The following ZNF560 variants were observed in gnomAD, a reference collection of about 807,000 sequenced individuals.
ZNF560 encodes the protein zinc finger protein 560.
In ZNF560, 54 loss-of-function variants were observed where a neutral mutation model predicts 81.8. The observed-to-expected ratio is 0.66, with a 90% CI of 0.53 to 0.83. The LOEUF (loss-of-function observed/expected upper bound fraction) is 0.83. Ranked by LOEUF, ZNF560 falls within the 40% of genes least tolerant of loss-of-function variation. The pLI is 0.00. For missense variants in ZNF560, 940 were observed against 932.4 expected (o/e 1.01, Z -0.11); for synonymous variants, 321 against 317.9 (o/e 1.01, Z -0.10).
At chr19:9,470,795 C>G (rs1453930573) in intron 6 of ZNF560, among the ~76,000 whole-genome samples, 1 of 152,204 alleles carries the variant, frequency 6.6e-6, no homozygotes, top group Non-Finnish European at 1.5e-5. Flanking sequence ...CTGCAAAACA[C>G]TCCTGAGCAC....
the ZNF560 span, among the ~76,000 whole-genome samples, chr19:9,450,588 C>T: frequency 6.6e-6 from 1 of 152,214 alleles, no homozygotes; most frequent in Non-Finnish European, 1.5e-5. Flanking sequence ...TACAGTCTCG[C>T]TGTTGCCCAG....
chr19:9,460,792 C>G, the ZNF560 span, among the ~76,000 whole-genome samples: 1 of 152,106 alleles, frequency 6.6e-6, no homozygotes, highest in East Asian at 1.9e-4. Context: ...TGGACCCGGT[C>G]AGAAAAAATG....
chr19:9,490,283 T>C (rs1226452241), intron 2 of ZNF560, among the ~76,000 whole-genome samples: 3 of 152,224 alleles, frequency 2.0e-5, no homozygotes, highest in Non-Finnish European at 2.9e-5. Context: ...CTACAGGAGA[T>C]AACAATCATT....
chr19:9,490,946 G>C (rs538836444), intron 2 of ZNF560, among the ~76,000 whole-genome samples: 1 of 152,280 alleles, frequency 6.6e-6, no homozygotes, highest in Non-Finnish European at 1.5e-5. Flanking sequence ...CACCGAAATA[G>C]TCTTCAGAGG....
chr19:9,470,887 C>T (rs2073110773), intron 6 of ZNF560, among the ~76,000 whole-genome samples: 1 of 152,192 alleles, frequency 6.6e-6, no homozygotes, highest in Non-Finnish European at 1.5e-5. Flanking sequence ...TCTGTCCTAG[C>T]ACCCAGAAAA....
At chr19:9,455,010 G>A in the ZNF560 span, among the ~76,000 whole-genome samples, 15 of 152,176 alleles carry the variant, frequency 9.9e-5, no homozygotes, top group African/African-American at 3.4e-4. Flanking sequence ...TTTTCTGGAG[G>A]ACACTGAGCA....
At chr19:9,474,847 T>G in intron 3 of ZNF560, among the ~76,000 whole-genome samples, 2 of 134,010 alleles carry the variant, frequency 1.5e-5, no homozygotes, top group African/African-American at 6.5e-5. Flanking sequence ...TTTTTTTTTT[T>G]GTGGAGACAA....
chr19:9,448,319 C>T, the ZNF560 span, among the ~76,000 whole-genome samples: 1 of 151,496 alleles, frequency 6.6e-6, no homozygotes, highest in Non-Finnish European at 1.5e-5. Context: ...GTAACCTCTG[C>T]CTCCTGGGTT....
At chr19:9,500,209 C>T (rs1220001626), upstream of ZNF560, among the ~76,000 whole-genome samples, 1 of 151,844 alleles carries the variant, frequency 6.6e-6, no homozygotes, top group African/African-American at 2.4e-5. Flanking sequence ...CATGGTGAAA[C>T]CCCGTCTCTA....
chr19:9,470,265 A>C (rs144519248), intron 7 of ZNF560, 127 bp downstream of exon 7: 2 of 1,253,208 alleles, frequency 1.6e-6, no homozygotes, highest in East Asian at 4.8e-5. Context: ...CTCATTAAAA[A>C]AAATTTTTTT....
the ZNF560 span, among the ~76,000 whole-genome samples, chr19:9,450,999 C>T: frequency 6.6e-6 from 1 of 152,142 alleles, no homozygotes; most frequent in South Asian, 2.1e-4. Context: ...AAAAACACCC[C>T]ATGGTCATGG....
At chr19:9,485,895 G>A (rs1214852872) in intron 2 of ZNF560, among the ~76,000 whole-genome samples, 1 of 152,132 alleles carries the variant, frequency 6.6e-6, no homozygotes, top group African/African-American at 2.4e-5. Context: ...TAGGGGAAGA[G>A]GGATCAAGTA....
intron 2 of ZNF560, among the ~76,000 whole-genome samples, chr19:9,487,053 A>G (rs2073396751): frequency 6.6e-6 from 1 of 152,086 alleles, no homozygotes; most frequent in Non-Finnish European, 1.5e-5. Flanking sequence ...TATTTAGGAA[A>G]GTTTTAAGTT....
At chr19:9,500,194 A>T (rs902593467), upstream of ZNF560, among the ~76,000 whole-genome samples, 2 of 151,818 alleles carry the variant, frequency 1.3e-5, no homozygotes, top group African/African-American at 2.4e-5. Context: ...GACCAGCCTG[A>T]CCAACATGGT....
In ZNF560 at chr19:9,467,599, G is replaced by T. The variant is rs752119066; in HGVS notation, c.1348C>A (p.His450Asn). Residue 450 changes from histidine (H) to asparagine (N), a missense_variant, in exon 10 of 10, where the codon CAT (histidine) becomes AAT (asparagine). Physicochemically the swap from His to Asn is moderately conservative, Grantham distance 68. Coordinates refer to ENST00000301480, the MANE Select transcript of ZNF560 (RefSeq NM_152476.3). ...AFISYPSLFG[H>N]LRVHNGEKPY... ...TTCTCTCCATTATGAACTCTCAAAT[G>T]TCCAAAAAGAGATGGGTAAGAAATA... is the stretch of plus-strand genomic sequence containing the variant. The T allele has an allele frequency of 6.2e-7, 1 of 1,613,988 alleles. No individual in the cohort carries two copies. Among genetic ancestry groups the T allele is most frequent in the Non-Finnish European group, 8.5e-7 (1 of 1,179,986 alleles).
intron 2 of ZNF560, among the ~76,000 whole-genome samples, chr19:9,490,686 G>A (rs11673302): frequency 6.6e-6 from 1 of 151,952 alleles, no homozygotes; most frequent in Non-Finnish European, 1.5e-5. Flanking sequence ...ACAAAAACAG[G>A]TTGAAGATTA....
chr19:9,469,963 A>T, intron 7 of ZNF560: 1 of 491,998 alleles, frequency 2.0e-6, no homozygotes, highest in Non-Finnish European at 3.6e-6. Flanking sequence ...TAAATGGCAA[A>T]TGTTAAATAC....
downstream of ZNF560, among the ~76,000 whole-genome samples, chr19:9,466,353 A>AG (rs2073015045): frequency 6.8e-6 from 1 of 147,482 alleles, no homozygotes; most frequent in South Asian, 2.2e-4. Flanking sequence ...AAAAAAAAAA[A>AG]AAGAGAGAGA....
At chr19:9,505,970 C>A in the ZNF560 span, among the ~76,000 whole-genome samples, 13 of 148,410 alleles carry the variant, frequency 8.8e-5, no homozygotes, top group East Asian at 1.4e-3. Context: ...GGCTTTCATT[C>A]ATATTTACTT....
Sources: allele counts gnomAD v4.1 joint callset (sites outside exome capture counted in the v4.1 genomes callset), GRCh38; gene constraint gnomAD v4.1.1; transcripts MANE v1.5; gene names NCBI Gene and HGNC (gene_info 2026-07-23, HGNC 2026-07-21).